CBFA2T3: variants seen among roughly 807,000 people sequenced by gnomAD.
CBFA2T3 encodes the protein transcriptional corepressor CBFA2T3.
Under a neutral mutation model 58.6 loss-of-function variants are expected in CBFA2T3, and 31 were observed. The observed-to-expected ratio is 0.53, with a 90% CI of 0.40 to 0.71. The LOEUF is 0.71. Ranked by LOEUF, CBFA2T3 falls within the 30% of genes least tolerant of loss-of-function variation. The pLI, the probability that CBFA2T3 is intolerant of heterozygous loss-of-function variation, is 0.00. For synonymous variants in CBFA2T3, 531 were observed against 421.9 expected (o/e 1.26, Z -3.17); for missense variants, 1,076 against 963.1 (o/e 1.12, Z -1.55).
At chr16:88,909,372 C>T (rs1970446279) in intron 1 of CBFA2T3, among the ~76,000 whole-genome samples, 1 of 146,844 alleles carries the variant, frequency 6.8e-6, no homozygotes, top group African/African-American at 2.5e-5. Context: ...GTGTCCACAT[C>T]TGTGCAATGG....
In CBFA2T3 at chr16:88,875,973, G is replaced by C; in HGVS notation, c.*1003C>G. ...AACGCCTACGCAGAAGAGAACAAAA[G>C]TCGCTTCTAACTGGGCACAAACCCT... On this transcript the variant is annotated 3_prime_UTR_variant, in exon 12 of 12. Transcript: ENST00000268679. 4.3e-6 allele frequency: 1 copy of C among 233,244 alleles called. No individual in the cohort carries two copies. Among genetic ancestry groups the C allele is most frequent in the East Asian group, 6.0e-5 (1 of 16,546 alleles). 14.4% of individuals were successfully genotyped at this position (233,244 alleles called of 1,614,324 possible).
At chr16:88,883,949 G>A (rs1216721875) in intron 7 of CBFA2T3, 2 of 152,284 alleles carry the variant, frequency 1.3e-5, no homozygotes, top group Non-Finnish European at 2.9e-5. Context: ...AGCCCCTAAA[G>A]ATCTCCTAGC....
At chr16:88,964,922 A>G (rs1597796226) in intron 1 of CBFA2T3, among the ~76,000 whole-genome samples, 1 of 86,110 alleles carries the variant, frequency 1.2e-5, no homozygotes, top group South Asian at 3.8e-4. Flanking sequence ...CCATCCATCC[A>G]TCCATCCATC....
At chr16:88,919,329 T>C (rs1416315164) in intron 1 of CBFA2T3, among the ~76,000 whole-genome samples, 1 of 152,212 alleles carries the variant, frequency 6.6e-6, no homozygotes, top group African/African-American at 2.4e-5. Context: ...CCTGGTCTCC[T>C]TCATTCGGTG....
At chr16:88,943,692 C>A (rs544062445) in intron 1 of CBFA2T3, among the ~76,000 whole-genome samples, 7 of 152,286 alleles carry the variant, frequency 4.6e-5, no homozygotes, top group Non-Finnish European at 1.0e-4. Flanking sequence ...CGGATGCTCC[C>A]GGAACGCCCA....
chr16:88,975,174 C>CAGCCA (rs1567643947), intron 1 of CBFA2T3, among the ~76,000 whole-genome samples: 3 of 132,986 alleles, frequency 2.3e-5, no homozygotes, highest in South Asian at 2.3e-4. Context: ...ACCCTCTCTG[C>CAGCCA]TCCACATCTT....
At position 88,958,273 on chromosome 16, in the gene CBFA2T3, G is replaced by A. The variant is rs1463981226; in HGVS notation, c.151+18384C>T. Among the ~76,000 whole-genome samples the A allele has an allele frequency of 6.6e-6, 1 of 151,634 alleles. No homozygotes were observed. Among genetic ancestry groups the A allele is most frequent in the African/African-American group, 2.4e-5 (1 of 41,306 alleles). ...TCGAGAGCCCAAAGCTCCCAGGGAA[G>A]CTTTGAGCTTCCTCAAAAAGCTATT... is the stretch of plus-strand genomic sequence containing the variant. On this transcript the variant is annotated intron_variant, in intron 1 of 11. Transcript: ENST00000268679. This position sits in a 1 kb window ranked among gnomAD's most constrained non-coding sequence, Gnocchi z 4.0.
At chr16:88,973,477 G>C (rs769475817) in intron 1 of CBFA2T3, among the ~76,000 whole-genome samples, 1 of 152,164 alleles carries the variant, frequency 6.6e-6, no homozygotes, top group Non-Finnish European at 1.5e-5. Flanking sequence ...TGAGCCCCCA[G>C]CCAGCTTGCA....
At chr16:88,962,300 G>A (rs1972385043) in intron 1 of CBFA2T3, among the ~76,000 whole-genome samples, 1 of 152,224 alleles carries the variant, frequency 6.6e-6, no homozygotes, top group Non-Finnish European at 1.5e-5. Context: ...GATTTCCACT[G>A]CATACTCGTA....
Position 88,958,722 on chromosome 16 carries a change from G to C in CBFA2T3, c.151+17935C>G, listed in dbSNP as rs1256088641. On this transcript the variant is annotated intron_variant, in intron 1 of 11. Coordinates refer to ENST00000268679, the MANE Select transcript of CBFA2T3 (RefSeq NM_005187.6). This position sits in a 1 kb window ranked among gnomAD's most constrained non-coding sequence, Gnocchi z 4.0. ...GGGGCCTCGGTGTGGCCTTTGGAAG[G>C]AGATGAACTTGCTCTCCCAGGGCTG... is the stretch of plus-strand genomic sequence containing the variant. 6.6e-6 allele frequency among the ~76,000 whole-genome samples: 1 copy of C among 151,964 alleles called. No homozygotes were observed. Among genetic ancestry groups the C allele is most frequent in the Admixed American group, 6.6e-5 (1 of 15,266 alleles).
At chr16:88,930,587 G>T (rs955734346) in intron 1 of CBFA2T3, among the ~76,000 whole-genome samples, 3 of 151,480 alleles carry the variant, frequency 2.0e-5, no homozygotes, top group Non-Finnish European at 4.4e-5. Context: ...AGACACAAGG[G>T]CCACACGTGG....
At chr16:88,976,478 C>T (rs1030191993) in intron 1 of CBFA2T3, among the ~76,000 whole-genome samples, 179 bp downstream of exon 1, 1 of 152,210 alleles carries the variant, frequency 6.6e-6, no homozygotes, top group East Asian at 1.9e-4. Context: ...CCTGCCCCAG[C>T]TGTGCAGGAC....
intron 1 of CBFA2T3, among the ~76,000 whole-genome samples, chr16:88,966,388 G>C (rs1487210608): frequency 2.0e-5 from 3 of 151,794 alleles, no homozygotes; most frequent in Admixed American, 6.5e-5. Flanking sequence ...GCAGAGCGGG[G>C]GATCGCGAGT....
Position 88,892,334 on chromosome 16 carries a change from G to A in CBFA2T3, c.531C>T (p.Leu177=), listed in dbSNP as rs1177307916. 5 of 1,613,212 alleles carry A rather than the reference G, an allele frequency of 3.1e-6. No homozygotes were observed. The highest frequency in any genetic ancestry group is 3.4e-6 in the Non-Finnish European group (4 of 1,179,934). ...PACGARQLSK[L]KRFLTTLQQF... Reference sequence around the variant, plus strand: ...GCTGCAGTGTGGTGAGGAAGCGCTTGAGCTTGCTGAGCTGCCGGGCCCCGC... The same window carrying A: ...GCTGCAGTGTGGTGAGGAAGCGCTTAAGCTTGCTGAGCTGCCGGGCCCCGC... Residue 177 remains leucine, a synonymous_variant, in exon 4 of 12, where the codon CTC becomes CTT. Transcript: ENST00000268679.
chr16:88,914,467 C>T lies in CBFA2T3; in HGVS notation c.152-12811G>A, dbSNP rs552886. On this transcript the variant is annotated intron_variant, in intron 1 of 11. Transcript: ENST00000268679. ...CCCCTATGAGTGAACATCAACAAGG[C>T]GACAAAGCATGAGGTTCTATTTTGG... 7.5e-3 allele frequency among the ~76,000 whole-genome samples: 1,150 copies of T among 152,326 alleles called. 15 individuals carry two copies. Among genetic ancestry groups the T allele is most frequent in the African/African-American group, 0.026 (1,089 of 41,554 alleles).
intron 10 of CBFA2T3, 114 bp from the exon 11 acceptor site, chr16:88,879,574 G>A (rs1449291077): frequency 1.4e-5 from 13 of 897,794 alleles, no homozygotes; most frequent in East Asian, 7.7e-5. Flanking sequence ...CTGAACACAC[G>A]TACCATCTGT....
chr16:88,936,606 C>T (rs538323422), intron 1 of CBFA2T3, among the ~76,000 whole-genome samples: 14 of 152,296 alleles, frequency 9.2e-5, no homozygotes, highest in Admixed American at 2.6e-4. Context: ...GCTAAGCGGG[C>T]GGGAAACGCA....
chr16:88,911,255 G>A (rs1419501400), intron 1 of CBFA2T3, among the ~76,000 whole-genome samples: 1 of 152,248 alleles, frequency 6.6e-6, no homozygotes, highest in East Asian at 1.9e-4. Flanking sequence ...TGATGACGAT[G>A]GACGGCACGG....
In CBFA2T3 at chr16:88,882,708, C is replaced by A. The variant is rs1458143799; in HGVS notation, c.1171G>T (p.Glu391Ter). ...EVIDHKLTER[E>*]WAEEWKHLNN... Reference sequence around the variant, plus strand: ...AGGTGCTTCCACTCTTCTGCCCACTCACGCTCTGTGAGCTTGTGGTCGATC... The same window carrying A: ...AGGTGCTTCCACTCTTCTGCCCACTAACGCTCTGTGAGCTTGTGGTCGATC... Residue 391 changes from glutamate to a stop codon, truncating the protein, a stop_gained, in exon 8 of 12, where the codon GAG becomes TAG. Transcript: ENST00000268679. LOFTEE classifies it high-confidence loss of function. 6.3e-7 allele frequency: 1 copy of A among 1,590,912 alleles called. No homozygotes were observed. The highest frequency in any genetic ancestry group is 1.1e-5 in the South Asian group (1 of 87,418).
Sources: gnomAD v4.1 joint callset for allele counts (sites outside exome capture counted in the v4.1 genomes callset) on GRCh38, gnomAD v4.1.1 for gene constraint, Gnocchi (gnomAD v3.1) non-coding constraint, MANE v1.5 for transcripts, NCBI Gene and HGNC (gene_info 2026-07-23, HGNC 2026-07-21) for gene names.